MYDGF: variants seen among roughly 807,000 people sequenced by gnomAD.
MYDGF encodes the protein myeloid-derived growth factor.
MYDGF carries 29 observed loss-of-function variants against 24.2 expected under a neutral mutation model. The ratio of observed to expected loss-of-function variants is 1.20; its 90% CI spans 0.89 to 1.63. MYDGF has a LOEUF of 1.63. Among genes scored for constraint, MYDGF ranks in the 40% most tolerant of loss-of-function variants. The pLI is 0.00. For synonymous variants in MYDGF, 105 were observed against 102.5 expected (o/e 1.02, Z -0.15); for missense variants, 245 against 234.8 (o/e 1.04, Z -0.29).
At position 4,657,948 on chromosome 19, in the gene MYDGF, C is replaced by T. The variant is rs142260228; in HGVS notation, c.*57G>A. 5.2e-4 allele frequency: 768 copies of T among 1,483,688 alleles called. 4 individuals carry two copies. Among genetic ancestry groups the T allele is most frequent in the East Asian group, 3.1e-3 (131 of 42,446 alleles). 91.9% of individuals were successfully genotyped at this position (1,483,688 alleles called of 1,614,324 possible). The stretch of plus-strand genomic sequence containing the variant: ...TGATGTGCTGGCCCTTTCAGGGACA[C>T]AGGCCCCTTCAGCTTCACCGGAGAT... On this transcript the variant is annotated 3_prime_UTR_variant, in exon 6 of 6. Coordinates refer to ENST00000262947, the MANE Select transcript of MYDGF (RefSeq NM_019107.4).
rs2088433169 is a variant in MYDGF, at chr19:4,657,675, A to C, written c.*330T>G. On this transcript the variant is annotated 3_prime_UTR_variant, in exon 6 of 6. Transcript: ENST00000262947. ...AGGCTCATGAAGGATGCTCGGCTGG[A>C]GGTCGGGGGGAGCATGGCTGCTTTC... 1 of 223,098 alleles carries C rather than the reference A, an allele frequency of 4.5e-6. No homozygotes were observed. The highest frequency in any genetic ancestry group is 8.8e-6 in the Non-Finnish European group (1 of 113,938). The allele number at this position is 223,098 out of a possible 1,614,324, so 13.8% of individuals were successfully genotyped here.
intron 3 of MYDGF, 72 bp from the exon 4 acceptor site, chr19:4,660,822 C>CT: frequency 1.5e-6 from 2 of 1,334,966 alleles, no homozygotes; most frequent in Non-Finnish European, 2.1e-6. Context: ...CTGGAAGGAG[C>CT]CCCGCCAGGG....
intron 5 of MYDGF, among the ~76,000 whole-genome samples, chr19:4,658,635 C>T (rs186710249): frequency 1.9e-4 from 29 of 152,208 alleles, no homozygotes; most frequent in African/African-American, 5.5e-4. Flanking sequence ...TTAGCATTGG[C>T]GCCATGCAGC....
chr19:4,668,822 TA>T (rs1276359158), intron 1 of MYDGF, 177 bp from the exon 2 acceptor site: 14 of 547,588 alleles, frequency 2.6e-5, no homozygotes, highest in Non-Finnish European at 4.6e-5. Flanking sequence ...ACTGAGACAA[TA>T]GGTACGCAAC....
chr19:4,667,614 C>T (rs2088531567), intron 2 of MYDGF, among the ~76,000 whole-genome samples: 1 of 152,162 alleles, frequency 6.6e-6, no homozygotes, highest in African/African-American at 2.4e-5. Context: ...CTGGAGACAA[C>T]AGCCAGCAAG....
Position 4,664,113 on chromosome 19 carries a change from T to C in MYDGF, c.287+763A>G, listed in dbSNP as rs115253360. On this transcript the variant is annotated intron_variant, in intron 3 of 5. Coordinates refer to ENST00000262947, the MANE Select transcript of MYDGF (RefSeq NM_019107.4). ...AAGGTTTGACCCCATTTCTATGCAATGTCCAGGACACGCCCATCCACAGAG... is the reference window on the plus strand; with the variant it reads ...AAGGTTTGACCCCATTTCTATGCAACGTCCAGGACACGCCCATCCACAGAG... Among the ~76,000 whole-genome samples, 564 of 151,912 alleles carry C rather than the reference T, an allele frequency of 3.7e-3. 3 individuals are homozygous for C. Among genetic ancestry groups the C allele is most frequent in the African/African-American group, 0.012 (514 of 41,424 alleles).
chr19:4,668,936 C>T (rs565926071), intron 1 of MYDGF, among the ~76,000 whole-genome samples: 26 of 151,834 alleles, frequency 1.7e-4, no homozygotes, highest in African/African-American at 6.0e-4. Context: ...TTCTGCCTCC[C>T]GGGTTCAAAC....
At position 4,659,971 on chromosome 19, in the gene MYDGF, G is replaced by A. The variant is rs766104359; in HGVS notation, c.402C>T (p.Val134=). The A allele has an allele frequency of 3.1e-6, 5 of 1,613,924 alleles. No homozygotes were observed. The African/African-American group carries it at 6.7e-5, about 22-fold the overall frequency. ...SKAAFERESD[V]PLKTEEFEVT... ...CTTCAAATTCCTCAGTTTTCAGAGG[G>A]ACATCACTTTCCCTTTCAAATGCGG... The change falls in exon 5 of 6, where the codon GTC becomes GTT. Residue 134 remains valine (V), a synonymous_variant. Coordinates refer to ENST00000262947, the MANE Select transcript of MYDGF (RefSeq NM_019107.4).
Position 4,659,985 on chromosome 19 carries a change from T to C in MYDGF, c.388A>G (p.Arg130Gly). The stretch of plus-strand genomic sequence containing the variant: ...GTTTTCAGAGGGACATCACTTTCCC[T>C]TTCAAATGCGGCTTTAGACTGAAAA... ...AMAYSKAAFE[R>G]ESDVPLKTEE... The change falls in exon 5 of 6, where the codon AGG (arginine) becomes GGG (glycine). Residue 130 changes from arginine (R) to glycine (G), a missense_variant. Transcript: ENST00000262947. 6.2e-7 allele frequency: 1 copy of C among 1,614,024 alleles called. No homozygotes were observed. The highest frequency in any genetic ancestry group is 8.5e-7 in the Non-Finnish European group (1 of 1,179,988).
chr19:4,660,517 C>A, intron 4 of MYDGF, 152 bp downstream of exon 4: 1 of 674,452 alleles, frequency 1.5e-6, no homozygotes. Context: ...GTCTGTGTGC[C>A]AGGTTCCTGC....
intron 3 of MYDGF, among the ~76,000 whole-genome samples, chr19:4,662,672 C>T (rs1022482156): frequency 6.6e-6 from 1 of 152,052 alleles, no homozygotes; most frequent in South Asian, 2.1e-4. Flanking sequence ...TTGTCTGATT[C>T]CCAGATGTCT....
At chr19:4,663,063 T>C (rs2088482846) in intron 3 of MYDGF, among the ~76,000 whole-genome samples, 1 of 134,136 alleles carries the variant, frequency 7.5e-6, no homozygotes, top group African/African-American at 3.0e-5. Flanking sequence ...CAATCTACTC[T>C]CCCCACCCCA....
chr19:4,668,477 T>G (rs926320776), intron 2 of MYDGF, 118 bp downstream of exon 2: 1 of 780,914 alleles, frequency 1.3e-6, no homozygotes, highest in African/African-American at 1.7e-5. Flanking sequence ...TTAGGAAGAG[T>G]CATTCAATGA....
rs758433152 is a variant in MYDGF, at chr19:4,670,239, C to A, written c.96G>T (p.Val32=). The A allele has an allele frequency of 2.5e-6, 4 of 1,568,798 alleles. No individual in the cohort carries two copies. In the East Asian group the frequency reaches 1.0e-4, roughly 40 times the overall value. Reference sequence around the variant, plus strand: ...CAAACGCCACCGTCGTGGGCTCGGACACCGCCTCCGCCGGCCTCAGCGCCA... The same window carrying A: ...CAAACGCCACCGTCGTGGGCTCGGAAACCGCCTCCGCCGGCCTCAGCGCCA... ...GAVALRPAEA[V]SEPTTVAFDV... The change falls in exon 1 of 6, where the codon GTG becomes GTT. Residue 32 remains valine, a synonymous_variant. Coordinates refer to ENST00000262947, the MANE Select transcript of MYDGF (RefSeq NM_019107.4).
At chr19:4,662,061 C>G (rs11878739) in intron 3 of MYDGF, among the ~76,000 whole-genome samples, 36,728 of 152,130 alleles carry the variant, frequency 0.24, 7,798 homozygotes, top group African/African-American at 0.58. Flanking sequence ...CAATGACCCT[C>G]CTGATGCCTC....
intron 5 of MYDGF, 94 bp from the exon 6 acceptor site, chr19:4,658,178 G>A (rs2088438221): frequency 7.6e-6 from 8 of 1,049,842 alleles, no homozygotes; most frequent in Non-Finnish European, 1.1e-5. Flanking sequence ...GGGCTAAGCA[G>A]GCAAGGGGAG....
intron 2 of MYDGF, among the ~76,000 whole-genome samples, chr19:4,666,957 T>G (rs1441921090): frequency 6.6e-6 from 1 of 151,998 alleles, no homozygotes; most frequent in Non-Finnish European, 1.5e-5. Flanking sequence ...CAAGCTCTTG[T>G]GGTTGTGGCA....
rs745874684 is a variant in MYDGF at position 4,658,065 on chromosome 19, T to A, written c.462A>T (p.Ala154=). ...TKTAVAHRPG[A]FKAELSKLVI... ...CCAGCTTGGACAGCTCAGCTTTGAATGCCCCGGGCCTGTGAGCCACTGCAA... is the reference window on the plus strand; with the variant it reads ...CCAGCTTGGACAGCTCAGCTTTGAAAGCCCCGGGCCTGTGAGCCACTGCAA... The change falls in exon 6 of 6, where the codon GCA becomes GCT. Residue 154 remains alanine, a synonymous_variant. Transcript: ENST00000262947. 1.9e-6 allele frequency: 3 copies of A among 1,611,576 alleles called. No individual in the cohort carries two copies. Among genetic ancestry groups the A allele is most frequent in the Non-Finnish European group, 2.5e-6 (3 of 1,179,302 alleles).
At chr19:4,663,550 TCCCCACCCACCCCACCC>T (rs2088493865) in intron 3 of MYDGF, among the ~76,000 whole-genome samples, 2 of 4,192 alleles carry the variant, frequency 4.8e-4, no homozygotes, top group African/African-American at 1.3e-3. Context: ...CAATCTATCC[TCCCCACCCACCCCACCC>T]TCATTCTACA....
Sources: allele counts gnomAD v4.1 joint callset (sites outside exome capture counted in the v4.1 genomes callset), GRCh38; gene constraint gnomAD v4.1.1; transcripts MANE v1.5; gene names NCBI Gene and HGNC (gene_info 2026-07-23, HGNC 2026-07-21).